The following NOL10 variants were observed in gnomAD, a reference collection of about 807,000 sequenced individuals.
NOL10 encodes nucleolar protein 10.
A neutral mutation model predicts 103.5 loss-of-function variants in NOL10; 58 were observed. That is an observed-to-expected ratio of 0.56 (90% CI 0.45 to 0.70). NOL10 has a LOEUF of 0.70. Among genes scored for constraint, NOL10 ranks in the 30% least tolerant of loss-of-function variants. The pLI, the probability that NOL10 is intolerant of heterozygous loss-of-function variation, is 0.00. For synonymous variants in NOL10, 287 were observed against 282.5 expected, an observed-to-expected ratio of 1.02 and a Z score of -0.16; for missense variants, 763 against 807.3, an observed-to-expected ratio of 0.95 and a Z score of 0.67.
At chr2:10,631,243 T>C (rs1677820304) in intron 13 of NOL10, among the ~76,000 whole-genome samples, 1 of 152,216 alleles carries the variant, frequency 6.6e-6, no homozygotes, top group Non-Finnish European at 1.5e-5. Context: ...GGCTTTGAAC[T>C]GAAATACATC....
intron 19 of NOL10, among the ~76,000 whole-genome samples, chr2:10,580,974 A>AT (rs946297830): frequency 6.6e-5 from 10 of 152,222 alleles, no homozygotes; most frequent in Non-Finnish European, 1.3e-4. Context: ...AGGATTAAGT[A>AT]TTTTTTAAAT....
intron 2 of NOL10, 33 bp from the exon 3 acceptor site, chr2:10,682,102 T>G: frequency 1.0e-6 from 1 of 965,394 alleles, no homozygotes; most frequent in Non-Finnish European, 1.5e-6. Context: ...CTAGTTTAAC[T>G]AACATGTGCT....
chr2:10,644,841 T>C (rs1678942609), intron 12 of NOL10, among the ~76,000 whole-genome samples: 1 of 152,248 alleles, frequency 6.6e-6, no homozygotes, highest in African/African-American at 2.4e-5. Flanking sequence ...GAGCAACCTA[T>C]AAGTACATTA....
chr2:10,616,269 C>T lies in NOL10; in HGVS notation c.1027-8958G>A, dbSNP rs576629167. Among the ~76,000 whole-genome samples the T allele has an allele frequency of 1.5e-4, 20 of 134,232 alleles. No individual in the cohort carries two copies. The East Asian group carries it at 1.6e-3, about 11-fold the overall frequency. 88.1% of individuals were successfully genotyped at this position (134,232 alleles called of 152,430 possible). A position where few individuals can be genotyped will look rare whatever the true frequency, so the allele number is the denominator to read the frequency against. On this transcript the variant is annotated intron_variant, in intron 13 of 20. Coordinates refer to ENST00000381685, the MANE Select transcript of NOL10 (RefSeq NM_024894.4). ...TTTGAGGCAGAGTCTTGCTCTGTCA[C>T]CCAGGTTGGAGTGCAGTGGTGCGAT...
chr2:10,616,509 C>T (rs1449601898), intron 13 of NOL10, among the ~76,000 whole-genome samples: 1 of 151,756 alleles, frequency 6.6e-6, no homozygotes, highest in Non-Finnish European at 1.5e-5. Context: ...CATGAGCCAC[C>T]GTGTCTGGCC....
intron 7 of NOL10, 73 bp from the exon 8 acceptor site, chr2:10,667,351 A>AT: frequency 9.1e-7 from 1 of 1,096,500 alleles, no homozygotes. Context: ...TATTAAATAA[A>AT]TAAACAGTCA....
At chr2:10,649,136 G>A (rs116427928) in intron 12 of NOL10, among the ~76,000 whole-genome samples, 237 of 152,150 alleles carry the variant, frequency 1.6e-3, no homozygotes, top group Admixed American at 4.0e-3. Context: ...CTGGGTGCAG[G>A]TGAGTGCCAC....
intron 17 of NOL10, among the ~76,000 whole-genome samples, chr2:10,594,394 A>G (rs1675555659): frequency 6.6e-6 from 1 of 152,192 alleles, no homozygotes; most frequent in South Asian, 2.1e-4. Context: ...TCTGTCCAAC[A>G]TGGGCTGAGG....
intron 2 of NOL10, among the ~76,000 whole-genome samples, chr2:10,683,680 C>T (rs1275437091): frequency 2.0e-5 from 3 of 152,316 alleles, no homozygotes; most frequent in Non-Finnish European, 2.9e-5. Flanking sequence ...TACTGCTTGC[C>T]AGAAAAGCAG....
Position 10,587,213 on chromosome 2 carries a change from A to T in NOL10, c.1844+1830T>A. Among the ~76,000 whole-genome samples, 2 of 63,378 alleles carry T rather than the reference A, an allele frequency of 3.2e-5. 1 individual carries two copies. Among genetic ancestry groups the T allele is most frequent in the African/African-American group, 2.0e-4 (2 of 9,976 alleles). 41.6% of individuals were successfully genotyped at this position (63,378 alleles called of 152,430 possible). A position where few individuals can be genotyped will look rare whatever the true frequency, so the allele number is the denominator to read the frequency against. ...TATACACATATATATACACATATAT[A>T]TATACATATATATACATATATATAT... On this transcript the variant is annotated intron_variant, in intron 19 of 20. Coordinates refer to ENST00000381685, the MANE Select transcript of NOL10 (RefSeq NM_024894.4).
chr2:10,615,608 T>C (rs1676793023), intron 13 of NOL10, among the ~76,000 whole-genome samples: 1 of 152,192 alleles, frequency 6.6e-6, no homozygotes, highest in Non-Finnish European at 1.5e-5. Flanking sequence ...TTTTAAAAGG[T>C]ATTAACCTTT....
intron 4 of NOL10, among the ~76,000 whole-genome samples, chr2:10,674,390 C>T (rs1176831695): frequency 1.3e-5 from 2 of 152,114 alleles, no homozygotes; most frequent in Non-Finnish European, 2.9e-5. Context: ...CAGTGCCATT[C>T]AAAATTCTAA....
At chr2:10,609,431 C>CAAAAAAAAA (rs60104799) in intron 13 of NOL10, among the ~76,000 whole-genome samples, 132 of 111,056 alleles carry the variant, frequency 1.2e-3, no homozygotes, top group South Asian at 2.2e-3. Flanking sequence ...ACTAAAAATA[C>CAAAAAAAAA]AAAAAAAAAA....
chr2:10,637,390 A>C (rs945012633), intron 13 of NOL10, among the ~76,000 whole-genome samples: 2 of 152,166 alleles, frequency 1.3e-5, no homozygotes, highest in African/African-American at 2.4e-5. Flanking sequence ...CAAAGCTATA[A>C]TGATTTCAAA....
intron 20 of NOL10, among the ~76,000 whole-genome samples, chr2:10,574,463 C>T (rs565499246): frequency 1.5e-4 from 23 of 152,176 alleles, no homozygotes; most frequent in South Asian, 4.1e-4. Context: ...CTGGCTAACA[C>T]GGTGAAACCG....
intron 10 of NOL10, among the ~76,000 whole-genome samples, chr2:10,658,408 G>T (rs1214991634): frequency 2.0e-5 from 3 of 152,124 alleles, no homozygotes; most frequent in Non-Finnish European, 4.4e-5. Flanking sequence ...AGCCCATGAT[G>T]ACAAAGAAAG....
chr2:10,634,480 A>G (rs1468965622), intron 13 of NOL10: 3 of 456,396 alleles, frequency 6.6e-6, no homozygotes, highest in Non-Finnish European at 1.3e-5. Flanking sequence ...GACACATTAA[A>G]CAGGATGTGC....
intron 13 of NOL10, among the ~76,000 whole-genome samples, chr2:10,627,286 A>T (rs771967090): frequency 6.6e-6 from 1 of 152,214 alleles, no homozygotes; most frequent in Non-Finnish European, 1.5e-5. Flanking sequence ...AAGATGTCTT[A>T]TCTTTCCGGA....
chr2:10,679,359 C>CAAA (rs535159833), intron 3 of NOL10, among the ~76,000 whole-genome samples: 1,867 of 109,320 alleles, frequency 0.017, 57 homozygotes, highest in African/African-American at 0.056. Context: ...AACTCTGCCT[C>CAAA]AAAAAAAAAA....
Sources: gnomAD v4.1 joint callset for allele counts (sites outside exome capture counted in the v4.1 genomes callset) on GRCh38, gnomAD v4.1.1 for gene constraint, MANE v1.5 for transcripts, NCBI Gene and HGNC (gene_info 2026-07-23, HGNC 2026-07-21) for gene names.